Variants in ICE1 observed in about 807,000 individuals in gnomAD.
The protein encoded by ICE1 is interactor of little elongation complex ELL subunit 1, also known as little elongation complex subunit 1.
Under a neutral mutation model 192.7 loss-of-function variants are expected in ICE1, and 64 were observed. That is an observed-to-expected ratio of 0.33 (90% CI 0.27 to 0.41). ICE1 has a LOEUF of 0.41. Ranked by LOEUF, ICE1 falls within the 10% of genes least tolerant of loss-of-function variation. The pLI, the probability that ICE1 is intolerant of heterozygous loss-of-function variation, is 1.00. For synonymous variants in ICE1, 1,010 were observed against 984.5 expected, an observed-to-expected ratio of 1.03 and a Z score of -0.49; for missense variants, 2,708 against 2,696.0, an observed-to-expected ratio of 1.00 and a Z score of -0.10.
chr5:5,481,515 A>G (rs1331907288), intron 17 of ICE1, among the ~76,000 whole-genome samples: 4 of 152,188 alleles, frequency 2.6e-5, no homozygotes, highest in Non-Finnish European at 5.9e-5. Context: ...TTGGCTGGCC[A>G]TCCAAATTGC....
At chr5:5,466,149 G>A (rs1486784208) in intron 13 of ICE1, among the ~76,000 whole-genome samples, 185 bp from the exon 14 acceptor site, 3 of 152,112 alleles carry the variant, frequency 2.0e-5, no homozygotes, top group Non-Finnish European at 4.4e-5. Flanking sequence ...CAGTACCCCC[G>A]ACCTCGATTC....
At chr5:5,436,956 G>T in intron 2 of ICE1, 124 bp from the exon 3 acceptor site, 1 of 657,842 alleles carries the variant, frequency 1.5e-6, no homozygotes, top group Non-Finnish European at 2.7e-6. Context: ...CATTAATTTA[G>T]CATGCATTTG....
intron 17 of ICE1, among the ~76,000 whole-genome samples, chr5:5,485,172 G>A (rs1183767996): frequency 6.6e-6 from 1 of 151,932 alleles, no homozygotes; most frequent in African/African-American, 2.4e-5. Context: ...GTTACTCCAG[G>A]TTACATCTAT....
At position 5,461,958 on chromosome 5, in the gene ICE1, T is replaced by G. The variant is rs771754894; in HGVS notation, c.2624T>G (p.Leu875Trp). 1 of 1,613,912 alleles carries G rather than the reference T, an allele frequency of 6.2e-7. No homozygotes were observed. The highest frequency in any genetic ancestry group is 8.5e-7 in the Non-Finnish European group (1 of 1,179,882). The change falls in exon 13 of 19, where the codon TTG (leucine) becomes TGG (tryptophan). Residue 875 changes from leucine to tryptophan, a missense_variant. Around this residue, in one of 2 missense-constraint regions of ICE1, gnomAD observed 2,366 missense variants for 2,276.6 expected, o/e 1.04. Transcript: ENST00000296564. ...CCTGAAAAGGTTCAGAGTGCCAAATTGGAACACTTGAGGCCACATAGGGTT... is the reference window on the plus strand; with the variant it reads ...CCTGAAAAGGTTCAGAGTGCCAAATGGGAACACTTGAGGCCACATAGGGTT... ...TRPEKVQSAK[L>W]EHLRPHRVEP...
At chr5:5,436,346 A>C (rs1449171329) in intron 1 of ICE1, 72 bp from the exon 2 acceptor site, 1 of 888,550 alleles carries the variant, frequency 1.1e-6, no homozygotes, top group Non-Finnish European at 1.6e-6. Flanking sequence ...AGATATGATA[A>C]ATAATGTTAC....
At chr5:5,444,463 G>T in intron 7 of ICE1, 137 bp downstream of exon 7, 1 of 588,466 alleles carries the variant, frequency 1.7e-6, no homozygotes, top group East Asian at 2.9e-5. Flanking sequence ...TGCATCAAGG[G>T]GTCTATTAGA....
chr5:5,447,370 A>G, intron 7 of ICE1, 57 bp from the exon 8 acceptor site: 3 of 1,019,508 alleles, frequency 2.9e-6, no homozygotes, highest in South Asian at 1.6e-5. Context: ...TTCATTAACC[A>G]CAGTAGTAAA....
intron 17 of ICE1, among the ~76,000 whole-genome samples, chr5:5,481,539 TA>T (rs1739503536): frequency 6.6e-6 from 1 of 152,296 alleles, no homozygotes; most frequent in Non-Finnish European, 1.5e-5. Flanking sequence ...AGAAGCTTCT[TA>T]AAAAACATAG....
chr5:5,449,316 A>G (rs1738344001), intron 10 of ICE1, among the ~76,000 whole-genome samples: 2 of 152,158 alleles, frequency 1.3e-5, no homozygotes, highest in Admixed American at 1.3e-4. Flanking sequence ...TCTTAAGTGT[A>G]TTGTTAACAC....
At chr5:5,475,170 G>A (rs954380290) in intron 16 of ICE1, among the ~76,000 whole-genome samples, 7 of 152,086 alleles carry the variant, frequency 4.6e-5, no homozygotes, top group South Asian at 2.1e-4. Context: ...AAGATGCTTC[G>A]TCCACGATCC....
intron 17 of ICE1, 65 bp downstream of exon 17, chr5:5,476,144 T>A: frequency 1.4e-6 from 1 of 707,232 alleles, no homozygotes; most frequent in Non-Finnish European, 2.2e-6. Context: ...GGCTGGGGGG[T>A]TAACTGTATA....
chr5:5,449,701 T>A (rs1738357059), intron 10 of ICE1, among the ~76,000 whole-genome samples: 1 of 152,194 alleles, frequency 6.6e-6, no homozygotes, highest in South Asian at 2.1e-4. Flanking sequence ...GGTAATTGAT[T>A]AAAGGGTGAA....
chr5:5,440,023 G>A, intron 4 of ICE1, 110 bp downstream of exon 4: 2 of 606,680 alleles, frequency 3.3e-6, no homozygotes, highest in Admixed American at 3.8e-5. Context: ...ATGTACATAG[G>A]ATTACTCATA....
At chr5:5,476,545 A>C (rs1739317649) in intron 17 of ICE1, among the ~76,000 whole-genome samples, 1 of 152,122 alleles carries the variant, frequency 6.6e-6, no homozygotes, top group Non-Finnish European at 1.5e-5. Context: ...CTCGTGGGGA[A>C]GCCTTAGGGA....
chr5:5,485,878 C>T (rs142921017), intron 17 of ICE1, among the ~76,000 whole-genome samples: 89 of 152,282 alleles, frequency 5.8e-4, no homozygotes, highest in Non-Finnish European at 9.4e-4. Flanking sequence ...ATGTTATTGA[C>T]CACGAGGATA....
chr5:5,473,792 G>C (rs758419405), intron 16 of ICE1, 44 bp downstream of exon 16: 3 of 1,348,434 alleles, frequency 2.2e-6, no homozygotes, highest in Non-Finnish European at 3.0e-6. Context: ...TTATTGTAAG[G>C]TTGAATTGTT....
At chr5:5,473,944 C>A (rs1739237811) in intron 16 of ICE1, among the ~76,000 whole-genome samples, 196 bp downstream of exon 16, 1 of 152,148 alleles carries the variant, frequency 6.6e-6, no homozygotes, top group Non-Finnish European at 1.5e-5. Context: ...GGCATGGTGG[C>A]TCACGCCTGT....
rs546197275 is a variant in ICE1 at position 5,464,233 on chromosome 5, G to A, written c.4899G>A (p.Pro1633=). Reference sequence around the variant, plus strand: ...GGCAAGAGGTGGGGCCTCCTTTGCCGCCTCTGCTTGCTCCTCTGATAGCTA... The same window carrying A: ...GGCAAGAGGTGGGGCCTCCTTTGCCACCTCTGCTTGCTCCTCTGATAGCTA... ...KIRQEVGPPL[P]PLLAPLIATP... is the part of the protein sequence containing the mutation. The change falls in exon 13 of 19, where the codon CCG becomes CCA. Residue 1633 remains proline, a synonymous_variant. Transcript: ENST00000296564. The surrounding 1 kb of genome is among the most constrained non-coding windows in gnomAD (Gnocchi z 4.0). 39 of 1,613,288 alleles carry A rather than the reference G, an allele frequency of 2.4e-5. 1 individual carries two copies. Among genetic ancestry groups the A allele is most frequent in the East Asian group, 6.7e-5 (3 of 44,808 alleles).
At chr5:5,482,079 A>G (rs775838478) in intron 17 of ICE1, among the ~76,000 whole-genome samples, 3 of 152,226 alleles carry the variant, frequency 2.0e-5, no homozygotes, top group East Asian at 3.8e-4. Context: ...TATACTTTCA[A>G]ATATGTACCT....
Sources: allele counts gnomAD v4.1 joint callset (sites outside exome capture counted in the v4.1 genomes callset), GRCh38; gene constraint gnomAD v4.1.1; regional missense constraint gnomAD v4.1.1; non-coding constraint Gnocchi (gnomAD v3.1); transcripts MANE v1.5; gene names NCBI Gene and HGNC (gene_info 2026-07-23, HGNC 2026-07-21).